REPS2: variants seen among roughly 807,000 people sequenced by gnomAD.
REPS2 encodes the protein ralBP1-associated Eps domain-containing protein 2.
A neutral mutation model predicts 53.6 loss-of-function variants in REPS2; 23 were observed. The observed-to-expected ratio is 0.43, with a 90% CI of 0.31 to 0.61. The LOEUF (loss-of-function observed/expected upper bound fraction) is 0.61. Ranked by LOEUF, REPS2 falls within the 20% of genes least tolerant of loss-of-function variation. The pLI is 0.11. For missense variants in REPS2, 446 were observed against 534.9 expected, an observed-to-expected ratio of 0.83 and a Z score of 1.64; for synonymous variants, 238 against 218.6, an observed-to-expected ratio of 1.09 and a Z score of -0.78.
intron 1 of REPS2, among the ~76,000 whole-genome samples, chrX:16,981,174 C>G (rs930966845): frequency 1.1e-4 from 12 of 111,531 alleles, no homozygotes; most frequent in Non-Finnish European, 2.3e-4. Flanking sequence ...CTAGACAGTG[C>G]CTCTTGCCTC....
chrX:17,101,244 A>C (rs1299856727), intron 13 of REPS2, among the ~76,000 whole-genome samples: 2 of 108,175 alleles, frequency 1.8e-5, no homozygotes, highest in Non-Finnish European at 3.8e-5. Context: ...TTGTATTTTT[A>C]GTAGAGATGG....
intron 8 of REPS2, among the ~76,000 whole-genome samples, chrX:17,059,574 T>A (rs775167907): frequency 9.1e-6 from 1 of 110,239 alleles, no homozygotes; most frequent in Non-Finnish European, 1.9e-5. Flanking sequence ...TTCAAGCAAT[T>A]CTCCTGCCTC....
intron 1 of REPS2, among the ~76,000 whole-genome samples, chrX:16,998,749 C>T (rs980154291): frequency 8.9e-6 from 1 of 112,170 alleles, no homozygotes; most frequent in South Asian, 3.7e-4. Context: ...TGTGCTGCTG[C>T]CTCCACTGAA....
intron 3 of REPS2, 58 bp downstream of exon 3, chrX:17,022,329 G>T: frequency 9.4e-7 from 1 of 1,063,728 alleles, no homozygotes; most frequent in Admixed American, 2.4e-5. Flanking sequence ...GCATGTAGCA[G>T]GGCCTCGTAT....
the REPS2 span, among the ~76,000 whole-genome samples, chrX:17,190,062 A>G: frequency 8.9e-6 from 1 of 112,272 alleles, no homozygotes; most frequent in African/African-American, 3.2e-5. Context: ...AGTTGTCAGT[A>G]TGCCGTATGG....
chrX:17,054,784 A>G (rs2062045173), intron 7 of REPS2, 24 bp from the exon 8 acceptor site: 1 of 1,202,971 alleles, frequency 8.3e-7, no homozygotes, highest in East Asian at 3.0e-5. Flanking sequence ...CATGGTAGGT[A>G]CTCATGACAT....
chrX:17,041,810 A>G (rs1230017596), intron 5 of REPS2, among the ~76,000 whole-genome samples: 1 of 112,369 alleles, frequency 8.9e-6, no homozygotes, highest in Non-Finnish European at 1.9e-5. Flanking sequence ...GAAACAATAC[A>G]CACACCCTTC....
chrX:17,078,399 C>T (rs1367099875), intron 13 of REPS2, among the ~76,000 whole-genome samples: 2 of 112,259 alleles, frequency 1.8e-5, no homozygotes, highest in East Asian at 2.8e-4. Flanking sequence ...AAAGTATTCT[C>T]CTCACAGTAA....
At chrX:16,955,349 G>A (rs866118731) in intron 1 of REPS2, among the ~76,000 whole-genome samples, 1 of 111,310 alleles carries the variant, frequency 9.0e-6, no homozygotes, top group Non-Finnish European at 1.9e-5. Flanking sequence ...CCCTCTCTTG[G>A]TTGCTGCATT....
chrX:17,030,195 T>G (rs1291413229), intron 5 of REPS2, among the ~76,000 whole-genome samples: 1 of 112,063 alleles, frequency 8.9e-6, no homozygotes, highest in African/African-American at 3.2e-5. Flanking sequence ...CAATTTCAGC[T>G]TCCCTTTCTG....
intron 2 of REPS2, among the ~76,000 whole-genome samples, chrX:17,009,010 C>G (rs192356934): frequency 9.0e-6 from 1 of 111,635 alleles, no homozygotes; most frequent in African/African-American, 3.3e-5. Flanking sequence ...AAAGTCCTAG[C>G]AATGTGGCTC....
chrX:17,128,484 ACACT>A (rs1340032600), intron 14 of REPS2, among the ~76,000 whole-genome samples: 4 of 111,606 alleles, frequency 3.6e-5, no homozygotes, highest in Non-Finnish European at 7.5e-5. Flanking sequence ...TCAGTAGCTA[ACACT>A]CAGAGCAGCT....
At position 17,090,647 on chromosome X, in the gene REPS2, C is replaced by T. The variant is rs997244348; in HGVS notation, c.1517-13071C>T. ...TATATTCTGGATACAAATCCTTTAT[C>T]GGATAGATGATTTGCAAATATTTTC... On this transcript the variant is annotated intron_variant, in intron 13 of 17. Coordinates refer to ENST00000357277, the MANE Select transcript of REPS2 (RefSeq NM_004726.3). Among the ~76,000 whole-genome samples the T allele has an allele frequency of 9.8e-5, 11 of 112,351 alleles. No homozygotes were observed. The Admixed American group carries it at 1.0e-3, about 11-fold the overall frequency.
chrX:16,964,320 A>G (rs1246360472), intron 1 of REPS2, among the ~76,000 whole-genome samples: 1 of 109,752 alleles, frequency 9.1e-6, no homozygotes, highest in Non-Finnish European at 1.9e-5. Flanking sequence ...GATACAGCAC[A>G]TGTTTCAGAG....
chrX:17,001,873 A>G (rs2061311842), intron 1 of REPS2, among the ~76,000 whole-genome samples: 1 of 111,457 alleles, frequency 9.0e-6, no homozygotes, highest in African/African-American at 3.3e-5. Context: ...AACCCACCAG[A>G]TCTCATGAGA....
At chrX:16,973,413 C>T (rs1042178456) in intron 1 of REPS2, among the ~76,000 whole-genome samples, 6 of 111,807 alleles carry the variant, frequency 5.4e-5, no homozygotes, top group Non-Finnish European at 1.1e-4. Flanking sequence ...CACTCTGTAT[C>T]ATAGAGTATT....
intron 8 of REPS2, among the ~76,000 whole-genome samples, chrX:17,059,281 C>T (rs1290845560): frequency 9.5e-6 from 1 of 105,023 alleles, no homozygotes; most frequent in Non-Finnish European, 2.0e-5. Flanking sequence ...AAGTGCTGGA[C>T]AACACGCCCG....
chrX:17,021,156 C>T (rs1006259712), intron 2 of REPS2, among the ~76,000 whole-genome samples: 2 of 112,230 alleles, frequency 1.8e-5, no homozygotes, highest in Non-Finnish European at 3.8e-5. Flanking sequence ...GAGTATTATC[C>T]TGAACAATGG....
chrX:17,074,208 G>C, intron 12 of REPS2, 49 bp downstream of exon 12: 1 of 1,109,216 alleles, frequency 9.0e-7, no homozygotes, highest in East Asian at 3.1e-5. Context: ...CCGTGCCCCT[G>C]CCTAGAAATA....
Sources: allele counts gnomAD v4.1 joint callset (sites outside exome capture counted in the v4.1 genomes callset), GRCh38; gene constraint gnomAD v4.1.1; transcripts MANE v1.5; gene names NCBI Gene and HGNC (gene_info 2026-07-23, HGNC 2026-07-21).